Variants in SEMA6D observed in about 807,000 individuals in gnomAD.
The protein encoded by SEMA6D is semaphorin-6D.
Under a neutral mutation model 106.6 loss-of-function variants are expected in SEMA6D, and 35 were observed. That is an observed-to-expected ratio of 0.33 (90% CI 0.25 to 0.44). The LOEUF is 0.44. Ranked by LOEUF, SEMA6D falls within the 20% of genes least tolerant of loss-of-function variation. The pLI, the probability that SEMA6D is intolerant of heterozygous loss-of-function variation, is 1.00. For synonymous variants in SEMA6D, 499 were observed against 487.7 expected, an observed-to-expected ratio of 1.02 and a Z score of -0.31; for missense variants, 1,185 against 1,345.9, an observed-to-expected ratio of 0.88 and a Z score of 1.87.
intron 4 of SEMA6D, among the ~76,000 whole-genome samples, chr15:47,688,400 T>C (rs1166536953): frequency 6.6e-6 from 1 of 152,098 alleles, no homozygotes; most frequent in African/African-American, 2.4e-5. Flanking sequence ...TCAATCTAAA[T>C]ACAAGAAAAT....
At chr15:47,530,863 C>G (rs1039684923) in intron 3 of SEMA6D, among the ~76,000 whole-genome samples, 2 of 152,100 alleles carry the variant, frequency 1.3e-5, no homozygotes, top group Non-Finnish European at 2.9e-5. Flanking sequence ...GTTTCCTTGT[C>G]TATAAAATGG....
chr15:47,286,040 G>A (rs974910290), intron 1 of SEMA6D, among the ~76,000 whole-genome samples: 1 of 152,166 alleles, frequency 6.6e-6, no homozygotes, highest in African/African-American at 2.4e-5. Context: ...CATCCCATGT[G>A]TTGACTCTAT....
At chr15:47,451,909 G>A (rs116347145) in intron 2 of SEMA6D, among the ~76,000 whole-genome samples, 1 of 151,938 alleles carries the variant, frequency 6.6e-6, no homozygotes, top group African/African-American at 2.4e-5. Context: ...ACATTCTATT[G>A]TATGTAAATT....
At chr15:47,700,870 G>T (rs1261288527) in intron 4 of SEMA6D, among the ~76,000 whole-genome samples, 1 of 152,164 alleles carries the variant, frequency 6.6e-6, no homozygotes, top group Non-Finnish European at 1.5e-5. Flanking sequence ...AGAAGAGACA[G>T]CTATTTCAAC....
At chr15:47,411,770 G>C (rs900653068) in intron 1 of SEMA6D, among the ~76,000 whole-genome samples, 28 of 152,214 alleles carry the variant, frequency 1.8e-4, no homozygotes, top group African/African-American at 6.7e-4. Flanking sequence ...TTCTGTGTCT[G>C]TGTGGCCACT....
chr15:47,263,113 A>G (rs1359382419), intron 1 of SEMA6D, among the ~76,000 whole-genome samples: 1 of 152,142 alleles, frequency 6.6e-6, no homozygotes, highest in African/African-American at 2.4e-5. Flanking sequence ...AACCTAGGCA[A>G]TACCATTCAG....
At chr15:47,675,066 A>G (rs191564803) in intron 4 of SEMA6D, among the ~76,000 whole-genome samples, 2 of 152,358 alleles carry the variant, frequency 1.3e-5, no homozygotes, top group East Asian at 3.9e-4. Context: ...TGTTCGATCC[A>G]GGAGTGACCT....
At chr15:47,244,602 G>A (rs910436575) in intron 1 of SEMA6D, among the ~76,000 whole-genome samples, 8 of 152,206 alleles carry the variant, frequency 5.3e-5, no homozygotes, top group Admixed American at 1.3e-4. Context: ...AAGTGATGGC[G>A]TCATGTTTAA....
At chr15:47,760,191 G>T in intron 2 of SEMA6D, 113 bp from the exon 3 acceptor site, 1 of 724,864 alleles carries the variant, frequency 1.4e-6, no homozygotes. Flanking sequence ...GACCTTAAGA[G>T]AGGAATTTAG....
chr15:47,409,906 G>A (rs112658913), intron 1 of SEMA6D, among the ~76,000 whole-genome samples: 72 of 152,114 alleles, frequency 4.7e-4, no homozygotes, highest in African/African-American at 1.6e-3. Flanking sequence ...TTGTGGGGGG[G>A]GTGGGGAGGC....
chr15:47,190,546 T>C lies in SEMA6D; in HGVS notation c.-239+6128T>C, dbSNP rs1485552792. 2.0e-5 allele frequency among the ~76,000 whole-genome samples: 3 copies of C among 152,200 alleles called. No individual in the cohort carries two copies. In the East Asian group the frequency reaches 5.8e-4, roughly 29 times the overall value. ...TATGTTATTAGCTCCAAGTTTGGCC[T>C]TTCTTTATTCCATGTCCGTGTCTCC... On this transcript the variant is annotated intron_variant, in intron 1 of 19. Coordinates refer to the SEMA6D transcript ENST00000558014.
At chr15:47,349,162 AT>A (rs886301573) in intron 1 of SEMA6D, among the ~76,000 whole-genome samples, 1 of 151,468 alleles carries the variant, frequency 6.6e-6, no homozygotes, top group Non-Finnish European at 1.5e-5. Context: ...AGCCATAGTC[AT>A]TTATCTAAGC....
At chr15:47,560,649 G>A (rs1156493235) in intron 3 of SEMA6D, among the ~76,000 whole-genome samples, 1 of 152,062 alleles carries the variant, frequency 6.6e-6, no homozygotes, top group Non-Finnish European at 1.5e-5. Context: ...ATATTATGAG[G>A]TGAATTCTGT....
At chr15:47,265,517 G>T (rs2142159514) in intron 1 of SEMA6D, among the ~76,000 whole-genome samples, 1 of 151,670 alleles carries the variant, frequency 6.6e-6, no homozygotes, top group South Asian at 2.1e-4. Context: ...CTTTAATTAT[G>T]GTTTCCTTTA....
chr15:47,562,309 A>G (rs1346894576), intron 3 of SEMA6D, among the ~76,000 whole-genome samples: 3 of 152,092 alleles, frequency 2.0e-5, no homozygotes, highest in Non-Finnish European at 4.4e-5. Flanking sequence ...TTTCAAATGC[A>G]TTATAGACCT....
chr15:47,698,522 A>G (rs865859252), intron 4 of SEMA6D, among the ~76,000 whole-genome samples: 1 of 152,218 alleles, frequency 6.6e-6, no homozygotes, highest in Non-Finnish European at 1.5e-5. Context: ...AAATGTGTTG[A>G]TATAGGTGGG....
intron 7 of SEMA6D, 39 bp downstream of exon 7, chr15:47,761,790 A>T (rs376719444): frequency 6.7e-7 from 1 of 1,490,524 alleles, no homozygotes; most frequent in Non-Finnish European, 9.2e-7. Flanking sequence ...ATGATTAATG[A>T]CATTGAAGGT....
At chr15:47,272,088 T>A (rs953089393) in intron 1 of SEMA6D, among the ~76,000 whole-genome samples, 26 of 152,142 alleles carry the variant, frequency 1.7e-4, no homozygotes, top group African/African-American at 5.1e-4. Context: ...AGAGCCAAGT[T>A]AGAGATCTGG....
intron 2 of SEMA6D, among the ~76,000 whole-genome samples, chr15:47,422,192 T>G (rs112478149): frequency 0.014 from 1,882 of 138,682 alleles, 54 homozygotes; most frequent in African/African-American, 0.051. Context: ...CTTCCTTCCT[T>G]CCTTCCTTCC....
Sources: allele counts gnomAD v4.1 joint callset (sites outside exome capture counted in the v4.1 genomes callset), GRCh38; gene constraint gnomAD v4.1.1; transcripts MANE v1.5; gene names NCBI Gene and HGNC (gene_info 2026-07-23, HGNC 2026-07-21).